ADAM20: variants seen among roughly 807,000 people sequenced by gnomAD.
The protein encoded by ADAM20 is disintegrin and metalloproteinase domain-containing protein 20.
For missense variants in ADAM20, 871 were observed against 883.2 expected (o/e 0.99, Z 0.18); for synonymous variants, 305 against 310.2 (o/e 0.98, Z 0.18).
chr14:70,576,433 T>A, the ADAM20 span, among the ~76,000 whole-genome samples: 1 of 152,188 alleles, frequency 6.6e-6, no homozygotes. Context: ...TGATAAAATT[T>A]TTTTTAAAAA....
At chr14:70,571,315 G>A in the ADAM20 span, among the ~76,000 whole-genome samples, 1 of 152,174 alleles carries the variant, frequency 6.6e-6, no homozygotes, top group Admixed American at 6.5e-5. Context: ...GAATCATGGG[G>A]GTGGTTACCT....
At chr14:70,540,143 T>C in the ADAM20 span, among the ~76,000 whole-genome samples, 5 of 152,122 alleles carry the variant, frequency 3.3e-5, no homozygotes. Context: ...CCTCCCAAAG[T>C]GCTGGGATTA....
the ADAM20 span, among the ~76,000 whole-genome samples, chr14:70,553,525 T>TAAAAAAAAAAAAAAAAAAAAAAACAA: frequency 1.8e-5 from 1 of 57,000 alleles, no homozygotes; most frequent in African/African-American, 7.2e-5. Flanking sequence ...GCAAAAATCC[T>TAAAAAAAAAAAAAAAAAAAAAAACAA]AAAAAAAAAA....
intron 1 of ADAM20, among the ~76,000 whole-genome samples, chr14:70,528,274 G>T (rs1489456667): frequency 6.6e-6 from 1 of 152,200 alleles, no homozygotes; most frequent in Non-Finnish European, 1.5e-5. Context: ...CTCGCAGTGG[G>T]CGGGGGAGTT....
chr14:70,530,213 GACACAA>G (rs1355227510), intron 1 of ADAM20, among the ~76,000 whole-genome samples: 1 of 151,932 alleles, frequency 6.6e-6, no homozygotes, highest in Non-Finnish European at 1.5e-5. Flanking sequence ...TAAAAACTAA[GACACAA>G]ACACAAACAT....
chr14:70,540,838 G>A, the ADAM20 span, among the ~76,000 whole-genome samples: 1 of 152,158 alleles, frequency 6.6e-6, no homozygotes, highest in Non-Finnish European at 1.5e-5. Context: ...CTGTTGCCAA[G>A]CTGGAGTGCA....
chr14:70,573,568 T>C, the ADAM20 span, among the ~76,000 whole-genome samples: 31 of 152,130 alleles, frequency 2.0e-4, no homozygotes, highest in African/African-American at 3.6e-4. Flanking sequence ...CCTGAATTTA[T>C]AATTTTTTAA....
chr14:70,532,895 T>C (rs1345851365), intron 1 of ADAM20, among the ~76,000 whole-genome samples: 1 of 152,148 alleles, frequency 6.6e-6, no homozygotes, highest in Non-Finnish European at 1.5e-5. Context: ...AATATATATA[T>C]ATGGCCAACA....
chr14:70,539,527 C>T (rs926372667), upstream of ADAM20, among the ~76,000 whole-genome samples: 8 of 152,238 alleles, frequency 5.3e-5, no homozygotes, highest in Non-Finnish European at 8.8e-5. Flanking sequence ...AGGGTTAAGG[C>T]ATACTCCCTT....
chr14:70,523,867 A>G lies in ADAM20; in HGVS notation c.891T>C (p.His297=). 1.2e-6 allele frequency: 2 copies of G among 1,613,972 alleles called. No individual in the cohort carries two copies. Among genetic ancestry groups the G allele is most frequent in the Non-Finnish European group, 1.7e-6 (2 of 1,179,936 alleles). The part of the protein sequence containing the change: ...LNNRLQHDVA[H]LFIKDTQGMK... ...TGCCTTGTGTGTCTTTTATGAAAAG[A>G]TGTGCAACATCATGTTGTAGTCGAT... The change falls in exon 2 of 2, where the codon CAT becomes CAC. Residue 297 remains histidine (H), a synonymous_variant. Transcript: ENST00000256389.
chr14:70,575,712 A>T, the ADAM20 span, among the ~76,000 whole-genome samples: 6 of 152,362 alleles, frequency 3.9e-5, no homozygotes, highest in South Asian at 1.2e-3. Flanking sequence ...CATGCTGTTC[A>T]AAGTGAGATC....
chr14:70,544,193 C>G, the ADAM20 span, among the ~76,000 whole-genome samples: 4 of 152,164 alleles, frequency 2.6e-5, no homozygotes, highest in Admixed American at 6.5e-5. Flanking sequence ...TATCCTAAAA[C>G]CAATAGAAAC....
upstream of ADAM20, among the ~76,000 whole-genome samples, chr14:70,536,327 G>T (rs550611143): frequency 1.8e-4 from 28 of 151,668 alleles, no homozygotes; most frequent in Admixed American, 5.9e-4. Flanking sequence ...TTAGCCAGGC[G>T]TGGTGGTGGG....
chr14:70,524,511 A>G lies in ADAM20; in HGVS notation c.247T>C (p.Phe83Leu), dbSNP rs1883540901. 6.2e-7 allele frequency: 1 copy of G among 1,613,808 alleles called. No homozygotes were observed. The highest frequency in any genetic ancestry group is 1.1e-5 in the South Asian group (1 of 91,068). ...IVHMRVNKLL[F>L]AAHLPVFTYT... is the part of the protein sequence containing the mutation. ...GTGAACACAGGAAGGTGTGCAGCAA[A>G]CAACAGCTTATTTACCCTCATGTGG... The change falls in exon 2 of 2, where the codon TTT (phenylalanine) becomes CTT (leucine). Residue 83 changes from phenylalanine (F) to leucine (L), a missense_variant. Physicochemically the swap from Phe to Leu is conservative, Grantham distance 22. Transcript: ENST00000256389.
At chr14:70,525,958 T>C (rs542831530) in intron 1 of ADAM20, among the ~76,000 whole-genome samples, 4 of 152,116 alleles carry the variant, frequency 2.6e-5, no homozygotes, top group Admixed American at 1.3e-4. Context: ...CAATACAGAT[T>C]TGATTCTACT....
upstream of ADAM20, among the ~76,000 whole-genome samples, chr14:70,535,530 T>G (rs1164616856): frequency 6.6e-6 from 1 of 152,094 alleles, no homozygotes; most frequent in African/African-American, 2.4e-5. Context: ...AGCCCAGAGC[T>G]CTCCTGTCTG....
chr14:70,572,779 G>C, the ADAM20 span, among the ~76,000 whole-genome samples: 1 of 152,012 alleles, frequency 6.6e-6, no homozygotes, highest in East Asian at 1.9e-4. Flanking sequence ...AGTAGGCAAA[G>C]GACATAAACA....
chr14:70,558,375 T>C, the ADAM20 span, among the ~76,000 whole-genome samples: 1 of 152,228 alleles, frequency 6.6e-6, no homozygotes, highest in South Asian at 2.1e-4. Flanking sequence ...AAAGGAACCC[T>C]GGAGATTCTA....
At position 70,523,051 on chromosome 14, in the gene ADAM20, C is replaced by T; in HGVS notation, c.1707G>A (p.Val569=). The part of the protein sequence containing the change: ...IMCGRVQCEN[V]GVIPNLIEHS... ...GCTCTATCAGATTGGGAATTACTCCCACATTTTCACACTGAACCCTCCCAC... is the reference window on the plus strand; with the variant it reads ...GCTCTATCAGATTGGGAATTACTCCTACATTTTCACACTGAACCCTCCCAC... The change falls in exon 2 of 2, where the codon GTG becomes GTA. Residue 569 remains valine, a synonymous_variant. Coordinates refer to ENST00000256389, the MANE Select transcript of ADAM20 (RefSeq NM_003814.5). 1.2e-6 allele frequency: 2 copies of T among 1,613,978 alleles called. No individual in the cohort carries two copies. Among genetic ancestry groups the T allele is most frequent in the Admixed American group, 1.7e-5 (1 of 59,968 alleles).
Sources: gnomAD v4.1 joint callset for allele counts (sites outside exome capture counted in the v4.1 genomes callset) on GRCh38, gnomAD v4.1.1 for gene constraint, MANE v1.5 for transcripts, NCBI Gene and HGNC (gene_info 2026-07-23, HGNC 2026-07-21) for gene names.